Variants in PLCL2 observed in about 807,000 individuals in gnomAD.
PLCL2 encodes the protein phospholipase C like 2.
In PLCL2, 4 loss-of-function variants were observed where a neutral mutation model predicts 79.6. The ratio of observed to expected loss-of-function variants is 0.05; its 90% confidence interval spans 0.02 to 0.11. The LOEUF is 0.11. PLCL2 is among the 10% of genes least tolerant of loss of function. PLCL2 has a pLI of 1.00. For missense variants in PLCL2, 895 were observed against 1,291.0 expected (o/e 0.69, Z 4.70); for synonymous variants, 484 against 457.7 (o/e 1.06, Z -0.73).
chr3:17,067,847 C>T (rs3796299), intron 4 of PLCL2, 109 bp from the exon 5 acceptor site: 121,268 of 586,540 alleles, frequency 0.21, 15,127 homozygotes, highest in East Asian at 0.52. Flanking sequence ...TATGAAATTC[C>T]ACTGGAGGTT....
intron 4 of PLCL2, among the ~76,000 whole-genome samples, chr3:17,045,865 C>G (rs1037034557): frequency 2.0e-5 from 3 of 152,050 alleles, no homozygotes; most frequent in East Asian, 1.9e-4. Flanking sequence ...TAGAAAAATT[C>G]TGAAAAAGAG....
intron 4 of PLCL2, among the ~76,000 whole-genome samples, chr3:17,052,698 C>G (rs1267954756): frequency 6.6e-6 from 1 of 152,160 alleles, no homozygotes; most frequent in African/African-American, 2.4e-5. Context: ...ACAGCAAGAC[C>G]AACCCCTTCT....
intron 1 of PLCL2, among the ~76,000 whole-genome samples, chr3:17,003,178 A>G (rs2064227374): frequency 6.6e-6 from 1 of 151,992 alleles, no homozygotes; most frequent in Admixed American, 6.6e-5. Flanking sequence ...CTTTTTTGGT[A>G]TGACCTGCAA....
chr3:17,073,656 C>G (rs190444802), intron 5 of PLCL2, among the ~76,000 whole-genome samples: 2 of 152,210 alleles, frequency 1.3e-5, no homozygotes, highest in Non-Finnish European at 2.9e-5. Flanking sequence ...TCTCAAACCC[C>G]GCCATTCCTT....
chr3:17,044,602 T>G (rs533756361), intron 4 of PLCL2, among the ~76,000 whole-genome samples: 117 of 152,352 alleles, frequency 7.7e-4, no homozygotes, highest in Non-Finnish European at 1.5e-3. Context: ...TCTCTGTATC[T>G]TACCCATGAC....
rs1696255864 is a variant in PLCL2 at position 16,887,685 on chromosome 3, G to A, written c.327+2319G>A. Among the ~76,000 whole-genome samples, 1 of 151,928 alleles carries A rather than the reference G, an allele frequency of 6.6e-6. No homozygotes were observed. Among genetic ancestry groups the A allele is most frequent in the African/African-American group, 2.4e-5 (1 of 41,342 alleles). ...TTTCTAAAGATAACTTCCAGCATCA[G>A]GACAATATCCTAATAGAAAACAAAG... On this transcript the variant is annotated intron_variant, in intron 1 of 5. Transcript: ENST00000615277. This position sits in a 1 kb window ranked among gnomAD's most constrained non-coding sequence, Gnocchi z 4.1.
At chr3:16,908,879 T>TA (rs1324216918) in intron 1 of PLCL2, among the ~76,000 whole-genome samples, 1 of 152,228 alleles carries the variant, frequency 6.6e-6, no homozygotes, top group Non-Finnish European at 1.5e-5. Context: ...TGTATCAACA[T>TA]ACATTTATTT....
intron 1 of PLCL2, among the ~76,000 whole-genome samples, chr3:16,945,531 A>G (rs1193991853): frequency 6.6e-6 from 1 of 151,678 alleles, no homozygotes; most frequent in Non-Finnish European, 1.5e-5. Context: ...CCAGTCTCCT[A>G]CTCTCAGTTT....
At chr3:16,916,254 T>C (rs1298308522) in intron 1 of PLCL2, among the ~76,000 whole-genome samples, 1 of 152,230 alleles carries the variant, frequency 6.6e-6, no homozygotes, top group Non-Finnish European at 1.5e-5. Flanking sequence ...TATCCAAATA[T>C]GTTGCTTTTG....
At chr3:16,930,900 A>G (rs1389768701) in intron 1 of PLCL2, among the ~76,000 whole-genome samples, 1 of 152,146 alleles carries the variant, frequency 6.6e-6, no homozygotes, top group Non-Finnish European at 1.5e-5. Flanking sequence ...CCGTTTTGCT[A>G]ACTCCCGTGT....
At chr3:16,923,083 G>A (rs1044091038) in intron 1 of PLCL2, among the ~76,000 whole-genome samples, 8 of 152,126 alleles carry the variant, frequency 5.3e-5, no homozygotes, top group Admixed American at 3.9e-4. Flanking sequence ...AATAAGCTCG[G>A]CTCCCCCACA....
chr3:16,913,107 C>A (rs1295904718), intron 1 of PLCL2, among the ~76,000 whole-genome samples: 4 of 152,144 alleles, frequency 2.6e-5, no homozygotes, highest in Non-Finnish European at 5.9e-5. Flanking sequence ...GAAGCCCTAA[C>A]CTTCCTCTTG....
intron 4 of PLCL2, among the ~76,000 whole-genome samples, chr3:17,055,897 T>C (rs1344185977): frequency 6.6e-6 from 1 of 152,154 alleles, no homozygotes; most frequent in Non-Finnish European, 1.5e-5. Flanking sequence ...AAATTATCTT[T>C]CTAGAGCAGC....
intron 1 of PLCL2, among the ~76,000 whole-genome samples, chr3:16,907,107 T>G (rs911179942): frequency 6.6e-6 from 1 of 152,362 alleles, no homozygotes; most frequent in South Asian, 2.1e-4. Context: ...ATCATCCTCC[T>G]TTCTACTTAT....
intron 4 of PLCL2, among the ~76,000 whole-genome samples, chr3:17,064,085 C>A (rs1486326806): frequency 6.6e-5 from 10 of 152,146 alleles, no homozygotes. Flanking sequence ...TGTTTCTTTG[C>A]TGAAAATAAT....
rs1212566775 is a variant in PLCL2, at chr3:16,980,962, CG to C, written c.328-28711del. 1.6e-4 allele frequency among the ~76,000 whole-genome samples: 24 copies of C among 152,352 alleles called. No individual in the cohort carries two copies. The East Asian group carries it at 4.6e-3, about 29-fold the overall frequency. On this transcript the variant is annotated intron_variant, in intron 1 of 5. Transcript: ENST00000615277. ...CAGCCCGGCCAACACAGCGAAACCT[CG>C]TCTCCACCAAAAAAATACGAAAACC...
chr3:17,020,777 C>T (rs2064441880), intron 3 of PLCL2, among the ~76,000 whole-genome samples: 1 of 152,050 alleles, frequency 6.6e-6, no homozygotes. Flanking sequence ...TTAAATAAAA[C>T]AAGGTTATTT....
intron 1 of PLCL2, among the ~76,000 whole-genome samples, chr3:16,916,941 C>G (rs1008058799): frequency 3.9e-5 from 6 of 152,128 alleles, no homozygotes; most frequent in Non-Finnish European, 7.4e-5. Context: ...TTCTTTATCT[C>G]CCCACCTCCC....
intron 3 of PLCL2, among the ~76,000 whole-genome samples, chr3:17,037,648 A>T (rs779720634): frequency 6.6e-6 from 1 of 151,508 alleles, no homozygotes; most frequent in Non-Finnish European, 1.5e-5. Context: ...TCAAAACAAG[A>T]TAAAGGGGAA....
Sources: gnomAD v4.1 joint callset for allele counts (sites outside exome capture counted in the v4.1 genomes callset) on GRCh38, gnomAD v4.1.1 for gene constraint, Gnocchi (gnomAD v3.1) non-coding constraint, MANE v1.5 for transcripts, NCBI Gene and HGNC (gene_info 2026-07-23, HGNC 2026-07-21) for gene names.